The following NTNG1 variants were observed in gnomAD, a reference collection of about 807,000 sequenced individuals.
NTNG1 encodes netrin G1.
Under a neutral mutation model 54.0 loss-of-function variants are expected in NTNG1, and 16 were observed. That is an observed-to-expected ratio of 0.30 (90% CI 0.20 to 0.45). The LOEUF is 0.45. Among genes scored for constraint, NTNG1 ranks in the 20% least tolerant of loss-of-function variants. The pLI is 1.00. For synonymous variants in NTNG1, 255 were observed against 263.1 expected (o/e 0.97, Z 0.30); for missense variants, 530 against 678.7 (o/e 0.78, Z 2.43).
chr1:107,255,732 T>C (rs1413582496), intron 2 of NTNG1, among the ~76,000 whole-genome samples: 3 of 152,310 alleles, frequency 2.0e-5, no homozygotes, highest in Admixed American at 2.0e-4. Context: ...AAGTTGCCTA[T>C]ATAACAAGTT....
chr1:107,368,573 T>C (rs1670732577), intron 3 of NTNG1, among the ~76,000 whole-genome samples: 1 of 152,200 alleles, frequency 6.6e-6, no homozygotes, highest in Non-Finnish European at 1.5e-5. Flanking sequence ...TGAAGTAACA[T>C]ACTAACAGTG....
chr1:107,465,375 A>T (rs1202819831), intron 7 of NTNG1, among the ~76,000 whole-genome samples: 1 of 152,234 alleles, frequency 6.6e-6, no homozygotes, highest in African/African-American at 2.4e-5. Context: ...TTCTGTGTGG[A>T]CAATGAGAGG....
intron 4 of NTNG1, among the ~76,000 whole-genome samples, chr1:107,399,058 T>C (rs1185947483): frequency 2.0e-5 from 3 of 152,192 alleles, no homozygotes; most frequent in Admixed American, 2.0e-4. Flanking sequence ...TCTCTGGCTA[T>C]GTTCTATGAC....
rs370479649 is a variant in NTNG1 at position 107,421,799 on chromosome 1, A to T, written c.1088-8951A>T. ...ACATGAAGACTTCTGTTTTTATTTCACCATTTTTTCTTTAAATGTCCTGTG... is the reference window on the plus strand; with the variant it reads ...ACATGAAGACTTCTGTTTTTATTTCTCCATTTTTTCTTTAAATGTCCTGTG... On this transcript the variant is annotated intron_variant, in intron 5 of 7. Coordinates refer to ENST00000370068, the MANE Select transcript of NTNG1 (RefSeq NM_001113226.3). Among the ~76,000 whole-genome samples the T allele has an allele frequency of 2.0e-4, 31 of 152,070 alleles. No homozygotes were observed. In the East Asian group the frequency reaches 4.7e-3, roughly 23 times the overall value.
chr1:107,475,016 A>G (rs1274552777), intron 7 of NTNG1, among the ~76,000 whole-genome samples: 1 of 152,154 alleles, frequency 6.6e-6, no homozygotes, highest in African/African-American at 2.4e-5. Context: ...TTTCTGGTTT[A>G]TTTTCTGTAT....
At chr1:107,450,331 A>G (rs1676548693) in intron 7 of NTNG1, among the ~76,000 whole-genome samples, 1 of 152,242 alleles carries the variant, frequency 6.6e-6, no homozygotes. Context: ...CAGTTTGTGC[A>G]TGTAAAATGA....
chr1:107,311,499 T>C (rs527256678), intron 2 of NTNG1, among the ~76,000 whole-genome samples: 31 of 152,302 alleles, frequency 2.0e-4, no homozygotes, highest in South Asian at 8.3e-4. Flanking sequence ...ATCACACAAA[T>C]AGGCACTCTG....
At chr1:107,229,136 G>A (rs1294262668) in intron 2 of NTNG1, among the ~76,000 whole-genome samples, 1 of 151,822 alleles carries the variant, frequency 6.6e-6, no homozygotes, top group Non-Finnish European at 1.5e-5. Flanking sequence ...TTGAGCAAAG[G>A]GCTGGCTGCA....
rs1324549350 is a variant in NTNG1 at position 107,484,408 on chromosome 1, A to G, written c.*3568A>G. 1.3e-5 allele frequency among the ~76,000 whole-genome samples: 2 copies of G among 152,192 alleles called. No homozygotes were observed. The highest frequency in any genetic ancestry group is 1.5e-5 in the Non-Finnish European group (1 of 68,046). Reference sequence around the variant, plus strand: ...ATCATGTGTCAAAGTGGCAGGATGGAAGATAATTTAACAGTTTGTTAGCTT... The same window carrying G: ...ATCATGTGTCAAAGTGGCAGGATGGGAGATAATTTAACAGTTTGTTAGCTT... On this transcript the variant is annotated 3_prime_UTR_variant, in exon 8 of 8. Transcript: ENST00000370068.
At chr1:107,455,541 T>C (rs1676899161) in intron 7 of NTNG1, 1 of 442,602 alleles carries the variant, frequency 2.3e-6, no homozygotes, top group African/African-American at 2.0e-5. Flanking sequence ...GCGTAAAAAG[T>C]AATAAATGCC....
intron 2 of NTNG1, among the ~76,000 whole-genome samples, chr1:107,294,035 C>T (rs777939401): frequency 3.9e-5 from 6 of 152,130 alleles, no homozygotes; most frequent in Non-Finnish European, 5.9e-5. Flanking sequence ...CAGCAGTAGC[C>T]AGGAGCTGGA....
intron 2 of NTNG1, among the ~76,000 whole-genome samples, chr1:107,172,916 C>T (rs1212885201): frequency 6.6e-6 from 1 of 152,114 alleles, no homozygotes; most frequent in Non-Finnish European, 1.5e-5. Flanking sequence ...TGGCAATGTC[C>T]TTCTGCAGTC....
intron 2 of NTNG1, among the ~76,000 whole-genome samples, chr1:107,287,578 G>A (rs1315549960): frequency 6.6e-6 from 1 of 152,116 alleles, no homozygotes; most frequent in Non-Finnish European, 1.5e-5. Context: ...TGAGACCTTG[G>A]TCTCTATAAA....
intron 2 of NTNG1, among the ~76,000 whole-genome samples, chr1:107,241,443 C>T (rs915681039): frequency 7.9e-5 from 12 of 152,138 alleles, no homozygotes; most frequent in Non-Finnish European, 1.5e-4. Flanking sequence ...AGTTAATGTT[C>T]TGTATAATGT....
chr1:107,421,128 G>A (rs1674546858), intron 5 of NTNG1: 2 of 1,608,460 alleles, frequency 1.2e-6, no homozygotes, highest in African/African-American at 1.3e-5. Context: ...TGTTCAAGTT[G>A]CAAACCACAA....
chr1:107,323,324 C>T (rs1390066381), intron 2 of NTNG1, among the ~76,000 whole-genome samples: 1 of 152,118 alleles, frequency 6.6e-6, no homozygotes, highest in African/African-American at 2.4e-5. Flanking sequence ...ATGGAATCTA[C>T]TGATGAAAGC....
At chr1:107,236,371 C>T (rs886134987) in intron 2 of NTNG1, among the ~76,000 whole-genome samples, 1 of 152,054 alleles carries the variant, frequency 6.6e-6, no homozygotes, top group African/African-American at 2.4e-5. Flanking sequence ...AGTCAGAAAA[C>T]AGGCAGGCAG....
At chr1:107,431,044 T>A in intron 6 of NTNG1, 127 bp downstream of exon 6, 1 of 778,634 alleles carries the variant, frequency 1.3e-6, no homozygotes, top group South Asian at 1.8e-5. Context: ...GTAGAAAATA[T>A]CCTATGGTAG....
chr1:107,323,456 A>G (rs1488383357), intron 2 of NTNG1, among the ~76,000 whole-genome samples: 1 of 152,170 alleles, frequency 6.6e-6, no homozygotes, highest in African/African-American at 2.4e-5. Flanking sequence ...AGGTAGAATA[A>G]TAATAACTAA....
Sources: allele counts gnomAD v4.1 joint callset (sites outside exome capture counted in the v4.1 genomes callset), GRCh38; gene constraint gnomAD v4.1.1; transcripts MANE v1.5; gene names NCBI Gene and HGNC (gene_info 2026-07-23, HGNC 2026-07-21).